ULK1: variants seen among roughly 807,000 people sequenced by gnomAD.
The protein encoded by ULK1 is serine/threonine-protein kinase ULK1.
ULK1 carries 48 observed loss-of-function variants against 117.5 expected under a neutral mutation model. That is an observed-to-expected ratio of 0.41 (90% CI 0.32 to 0.52). ULK1 has a LOEUF of 0.52. ULK1 is among the 20% of genes least tolerant of loss of function. ULK1 has a pLI of 0.29. For missense variants in ULK1, 1,387 were observed against 1,473.4 expected (o/e 0.94, Z 0.96); for synonymous variants, 790 against 637.8 (o/e 1.24, Z -3.60).
chr12:131,918,752 T>G, intron 23 of ULK1, 71 bp downstream of exon 23: 2 of 1,422,412 alleles, frequency 1.4e-6, no homozygotes, highest in Non-Finnish European at 1.9e-6. Flanking sequence ...GTGTCGGGTG[T>G]GTGGGGTATA....
chr12:131,910,507 G>T (rs7295593), intron 11 of ULK1, among the ~76,000 whole-genome samples: 1 of 151,908 alleles, frequency 6.6e-6, no homozygotes, highest in Non-Finnish European at 1.5e-5. Flanking sequence ...AGCAGGCTTG[G>T]GATGGGGATG....
Position 131,916,506 on chromosome 12 carries a change from G to A in ULK1, c.1987G>A (p.Asp663Asn), listed in dbSNP as rs141683636. 124 of 1,611,910 alleles carry A rather than the reference G, an allele frequency of 7.7e-5. No homozygotes were observed. Among genetic ancestry groups the A allele is most frequent in the Non-Finnish European group, 3.5e-5 (41 of 1,179,780 alleles). ...MTPPRNRTLP[D>N]LSEVGPFHGQ... is the part of the protein sequence containing the mutation. Reference sequence around the variant, plus strand: ...GCCCCCTCGAAACCGGACGCTGCCCGACCTCTCGGAGGTGGGACCCTTCCA... The same window carrying A: ...GCCCCCTCGAAACCGGACGCTGCCCAACCTCTCGGAGGTGGGACCCTTCCA... Residue 663 changes from aspartate (D) to asparagine (N), a missense_variant, in exon 20 of 28, where the codon GAC becomes AAC. Transcript: ENST00000321867.
chr12:131,913,452 T>C (rs557589175), intron 14 of ULK1, among the ~76,000 whole-genome samples, 194 bp downstream of exon 14: 4 of 151,328 alleles, frequency 2.6e-5, no homozygotes, highest in African/African-American at 7.3e-5. Context: ...TCCCAGCACT[T>C]TGGGAGGCCG....
chr12:131,919,430 C>T, intron 24 of ULK1, 42 bp from the exon 25 acceptor site: 9 of 1,587,626 alleles, frequency 5.7e-6, no homozygotes, highest in South Asian at 1.1e-5. Context: ...GGCCTGGGGG[C>T]CAGGACCAAC....
At chr12:131,895,207 C>T in intron 1 of ULK1, 95 bp downstream of exon 1, 1 of 966,548 alleles carries the variant, frequency 1.0e-6, no homozygotes, top group Non-Finnish European at 1.4e-6. Context: ...GACCCCCCCA[C>T]GCCTCCCGAG....
Position 131,903,928 on chromosome 12 carries a change from ACT to A in ULK1, c.247-2961_247-2960del, listed in dbSNP as rs1210649953. ...GGTGACCTAGGGGGTGACATCTGTG[ACT>A]CTGGGGCAAGGCCAGGGGTCTAGAC... is the stretch of plus-strand genomic sequence containing the variant. On this transcript the variant is annotated intron_variant, in intron 3 of 27. Coordinates refer to ENST00000321867, the MANE Select transcript of ULK1 (RefSeq NM_003565.4). The surrounding 1 kb of genome is among the most constrained non-coding windows in gnomAD (Gnocchi z 6.0). 1.3e-5 allele frequency among the ~76,000 whole-genome samples: 2 copies of A among 151,770 alleles called. No homozygotes were observed. The highest frequency in any genetic ancestry group is 2.9e-5 in the Non-Finnish European group (2 of 67,880).
At position 131,918,446 on chromosome 12, in the gene ULK1, G is replaced by T. The variant is rs775236886; in HGVS notation, c.2327-51G>T. The T allele has an allele frequency of 5.8e-6, 9 of 1,554,130 alleles. No individual in the cohort carries two copies. The Admixed American group carries it at 1.3e-4, about 22-fold the overall frequency. On this transcript the variant is annotated intron_variant, in intron 22 of 27. Coordinates refer to ENST00000321867, the MANE Select transcript of ULK1 (RefSeq NM_003565.4). ...GGGAGTCTGTGGGGGATGGATGGGG[G>T]CCACGGTGTCTGCTGGTCCTGGTGT...
rs143119597 is a variant in ULK1 at position 131,910,719 on chromosome 12, C to T, written c.867C>T (p.Pro289=). Residue 289 remains proline, a synonymous_variant, in exon 12 of 28, where the codon CCC becomes CCT. Transcript: ENST00000321867. The part of the protein sequence containing the change: ...DASPSVRKSP[P]VPVPSYPSSG... ...TATGCATGTTTATCTCAGCCCCACC[C>T]GTGCCTGTGCCCTCGTACCCAAGCT... is the stretch of plus-strand genomic sequence containing the variant. The T allele has an allele frequency of 2.3e-3, 3,700 of 1,613,078 alleles. 3 individuals carry two copies. The highest frequency in any genetic ancestry group is 2.6e-3 in the Non-Finnish European group (3,120 of 1,179,904).
At chr12:131,918,345 C>T (rs1889953872) in intron 22 of ULK1, 152 bp from the exon 23 acceptor site, 3 of 943,394 alleles carry the variant, frequency 3.2e-6, no homozygotes, top group East Asian at 2.7e-5. Flanking sequence ...TAGGGGCCTG[C>T]TGTGCTTCTC....
Position 131,919,375 on chromosome 12 carries a change from G to T in ULK1, c.2675G>T (p.Arg892Leu). Residue 892 changes from arginine to leucine, a missense_variant, in exon 24 of 28, where the codon CGA (arginine) becomes CTA (leucine). Arg to Leu is a moderately radical substitution (Grantham distance 102, BLOSUM62 -2). This residue lies in a region of ULK1 where 900 missense variants were observed against 858.9 expected (regional missense o/e 1.05). Coordinates refer to ENST00000321867, the MANE Select transcript of ULK1 (RefSeq NM_003565.4). ...VVADQISLLSREWGFAEQLVL... is the reference protein window; with the variant it reads ...VVADQISLLSLEWGFAEQLVL... ...GCCGACCAGATCAGCCTGCTGAGCC[G>T]AGAATGGGGGTGGGTGCCGCCAGGG... 2.5e-6 allele frequency: 3 copies of T among 1,208,640 alleles called. No homozygotes were observed. Among genetic ancestry groups the T allele is most frequent in the Non-Finnish European group, 3.4e-6 (3 of 888,556 alleles). The allele number at this position is 1,208,640 out of a possible 1,614,324, so 74.9% of individuals were successfully genotyped here. A position where few individuals can be genotyped will look rare whatever the true frequency, so the allele number is the denominator to read the frequency against.
chr12:131,910,683 C>G (rs1307823267), intron 11 of ULK1, 29 bp from the exon 12 acceptor site: 2 of 1,612,860 alleles, frequency 1.2e-6, no homozygotes, highest in Non-Finnish European at 1.7e-6. Flanking sequence ...GGAGGATGGC[C>G]CAGACTGACC....
In ULK1 at chr12:131,894,636, G is replaced by C. The variant is rs1411665674; in HGVS notation, c.-366G>C. 4 of 150,122 alleles carry C rather than the reference G, an allele frequency of 2.7e-5. No individual in the cohort carries two copies. The allele number at this position is 150,122 out of a possible 1,614,324, so 9.3% of individuals were successfully genotyped here. A position where few individuals can be genotyped will look rare whatever the true frequency, so the allele number is the denominator to read the frequency against. Reference sequence around the variant, plus strand: ...GCCCGGCGCGCAGTGCGGCTGCGCGGGCGTCTCAGGCTCTGAGGCCCGGGC... The same window carrying C: ...GCCCGGCGCGCAGTGCGGCTGCGCGCGCGTCTCAGGCTCTGAGGCCCGGGC... On this transcript the variant is annotated 5_prime_UTR_variant, in exon 1 of 28. Coordinates refer to ENST00000321867, the MANE Select transcript of ULK1 (RefSeq NM_003565.4).
rs1056435229 is a variant in ULK1, at chr12:131,902,225, C to A, written c.247-4667C>A. ...GCCTGGGGGTGCAGAGTGGTTCTGT[C>A]CAGCCACAGCTGTGGCTTTTGCCAC... On this transcript the variant is annotated intron_variant, in intron 3 of 27. Transcript: ENST00000321867. The surrounding 1 kb of genome is among the most constrained non-coding windows in gnomAD (Gnocchi z 6.3). Among the ~76,000 whole-genome samples, 1 of 152,198 alleles carries A rather than the reference C, an allele frequency of 6.6e-6. No individual in the cohort carries two copies. Among genetic ancestry groups the A allele is most frequent in the African/African-American group, 2.4e-5 (1 of 41,452 alleles).
chr12:131,898,514 T>C (rs1888962701), intron 3 of ULK1, among the ~76,000 whole-genome samples: 1 of 152,138 alleles, frequency 6.6e-6, no homozygotes, highest in Non-Finnish European at 1.5e-5. Context: ...TTTTCTTTTT[T>C]TTTTGAGACT....
chr12:131,913,088 G>T, intron 13 of ULK1, 110 bp from the exon 14 acceptor site: 1 of 1,027,592 alleles, frequency 9.7e-7, no homozygotes, highest in Non-Finnish European at 1.3e-6. Context: ...ACGAGCTGAG[G>T]CCCCTGCAAG....
intron 19 of ULK1, 47 bp downstream of exon 19, chr12:131,916,206 A>G (rs1442234995): frequency 1.9e-6 from 3 of 1,586,520 alleles, no homozygotes; most frequent in South Asian, 2.2e-5. Context: ...CCTGGGGAAG[A>G]TGTGTGGGAA....
chr12:131,919,827 C>A, intron 25 of ULK1, 152 bp from the exon 26 acceptor site: 1 of 1,213,118 alleles, frequency 8.2e-7, no homozygotes, highest in South Asian at 1.5e-5. Context: ...GGACAAGGTG[C>A]GGAGCCTGGC....
intron 3 of ULK1, among the ~76,000 whole-genome samples, chr12:131,905,264 G>A (rs568221585): frequency 6.6e-6 from 1 of 152,188 alleles, no homozygotes; most frequent in Non-Finnish European, 1.5e-5. Flanking sequence ...TGCGGGGGCA[G>A]CTCTGGGACA....
At position 131,914,506 on chromosome 12, in the gene ULK1, C is replaced by A. The variant is rs534221104; in HGVS notation, c.1373+29C>A. 9 of 1,602,934 alleles carry A rather than the reference C, an allele frequency of 5.6e-6. No homozygotes were observed. In the African/African-American group the frequency reaches 1.1e-4, roughly 19 times the overall value. The stretch of plus-strand genomic sequence containing the variant: ...AGTGTGGAGCCCCCAGGTAGCCAGG[C>A]GTGGCTGGGGCCTTGTGTGGCAGGA... On this transcript the variant is annotated intron_variant, in intron 16 of 27. Coordinates refer to ENST00000321867, the MANE Select transcript of ULK1 (RefSeq NM_003565.4).
Sources: gnomAD v4.1 joint callset for allele counts (sites outside exome capture counted in the v4.1 genomes callset) on GRCh38, gnomAD v4.1.1 for gene constraint, gnomAD v4.1.1 regional missense constraint, Gnocchi (gnomAD v3.1) non-coding constraint, MANE v1.5 for transcripts, NCBI Gene and HGNC (gene_info 2026-07-23, HGNC 2026-07-21) for gene names.